GCNT2: variants seen among roughly 807,000 people sequenced by gnomAD.
GCNT2 encodes N-acetyllactosaminide beta-1,6-N-acetylglucosaminyl-transferase.
A neutral mutation model predicts 34.2 loss-of-function variants in GCNT2; 34 were observed. The ratio of observed to expected loss-of-function variants is 1.00; its 90% CI spans 0.76 to 1.32. The LOEUF is 1.32. Among genes scored for constraint, GCNT2 ranks in the 40% most tolerant of loss-of-function variants. The probability of loss-of-function intolerance (pLI) is 0.00; values close to 1 mark genes in which losing one functional copy is unlikely to be tolerated. For missense variants in GCNT2, 584 were observed against 489.4 expected, an observed-to-expected ratio of 1.19 and a Z score of -1.82; for synonymous variants, 212 against 188.0, an observed-to-expected ratio of 1.13 and a Z score of -1.04.
intron 3 of GCNT2, among the ~76,000 whole-genome samples, chr6:10,553,294 G>T (rs1762557803): frequency 6.6e-6 from 1 of 152,216 alleles, no homozygotes; most frequent in Non-Finnish European, 1.5e-5. Flanking sequence ...CTGGCAAGGA[G>T]ATGAAGTCCC....
rs1554127248 is a variant in GCNT2 at position 10,538,437 on chromosome 6, A to AATATATATAT, written c.925+8612_925+8621dup. Reference sequence around the variant, plus strand: ...AAAAAAAAAAAAAAAAAAAAAAAAAAATATATATATATATATATATGTTGA... The same window carrying AATATATATAT: ...AAAAAAAAAAAAAAAAAAAAAAAAAAATATATATATATATATATATATATATATATGTTGA... On this transcript the variant is annotated intron_variant, in intron 3 of 4. Transcript: ENST00000495262. 1.9e-3 allele frequency among the ~76,000 whole-genome samples: 139 copies of AATATATATAT among 73,330 alleles called. 3 individuals are homozygous for AATATATATAT. Among genetic ancestry groups the AATATATATAT allele is most frequent in the African/African-American group, 0.015 (127 of 8,376 alleles). 48.1% of individuals were successfully genotyped at this position (73,330 alleles called of 152,430 possible). A position where few individuals can be genotyped will look rare whatever the true frequency, so the allele number is the denominator to read the frequency against.
At chr6:10,546,323 A>G (rs2113615029) in intron 3 of GCNT2, among the ~76,000 whole-genome samples, 1 of 152,150 alleles carries the variant, frequency 6.6e-6, no homozygotes, top group East Asian at 1.9e-4. Context: ...GTAGCCAAAA[A>G]CCTATGTATA....
chr6:10,595,812 A>C (rs1421587333), intron 3 of GCNT2, among the ~76,000 whole-genome samples: 3 of 152,154 alleles, frequency 2.0e-5, no homozygotes, highest in Non-Finnish European at 4.4e-5. Context: ...CAGAGGAGTA[A>C]TTTTTAAACT....
intron 3 of GCNT2, among the ~76,000 whole-genome samples, chr6:10,580,872 T>C (rs573569000): frequency 8.8e-4 from 134 of 152,124 alleles, no homozygotes; most frequent in African/African-American, 3.0e-3. Context: ...TCATGTTGAG[T>C]TGAGATGATG....
intron 3 of GCNT2, among the ~76,000 whole-genome samples, chr6:10,599,429 CTG>C (rs972067749): frequency 6.6e-6 from 1 of 152,176 alleles, no homozygotes; most frequent in Non-Finnish European, 1.5e-5. Flanking sequence ...GAGGGAGCAC[CTG>C]AACCAGACTG....
intron 3 of GCNT2, among the ~76,000 whole-genome samples, chr6:10,563,756 G>GAAA (rs55761102): frequency 3.8e-4 from 21 of 55,792 alleles, no homozygotes; most frequent in African/African-American, 9.6e-4. Flanking sequence ...AAAGAAAAAA[G>GAAA]AAAAAAAAAA....
intron 3 of GCNT2, among the ~76,000 whole-genome samples, chr6:10,549,742 C>T (rs890783507): frequency 2.0e-5 from 3 of 151,824 alleles, no homozygotes; most frequent in Admixed American, 1.3e-4. Context: ...ACACCGTCTT[C>T]GAATTCAGCT....
chr6:10,535,386 T>G (rs774711016), intron 3 of GCNT2, among the ~76,000 whole-genome samples: 2 of 152,164 alleles, frequency 1.3e-5, no homozygotes, highest in East Asian at 3.9e-4. Flanking sequence ...GCCCTCCCTT[T>G]TTCCTCTCCC....
intron 3 of GCNT2, among the ~76,000 whole-genome samples, chr6:10,618,366 T>G (rs1440010724): frequency 6.6e-6 from 1 of 152,234 alleles, no homozygotes; most frequent in African/African-American, 2.4e-5. Context: ...TATGTGTTCA[T>G]TTTATAAAGA....
intron 3 of GCNT2, among the ~76,000 whole-genome samples, chr6:10,554,135 C>CA (rs1313910951): frequency 6.6e-6 from 1 of 151,974 alleles, no homozygotes; most frequent in African/African-American, 2.4e-5. Context: ...GTCTCAGTAG[C>CA]AAAAAAGTGC....
chr6:10,618,937 G>C (rs1765912105), intron 3 of GCNT2, among the ~76,000 whole-genome samples: 1 of 152,120 alleles, frequency 6.6e-6, no homozygotes, highest in African/African-American at 2.4e-5. Flanking sequence ...GACTCATGCT[G>C]TTTACAGGAA....
intron 3 of GCNT2, among the ~76,000 whole-genome samples, chr6:10,530,721 G>A (rs1344836722): frequency 6.6e-6 from 1 of 151,736 alleles, no homozygotes; most frequent in Non-Finnish European, 1.5e-5. Context: ...TTTTCAAGAA[G>A]TTAAAACAAA....
chr6:10,522,969 G>GA (rs1234062540), intron 1 of GCNT2, among the ~76,000 whole-genome samples: 8 of 152,202 alleles, frequency 5.3e-5, no homozygotes, highest in African/African-American at 1.9e-4. Flanking sequence ...TTCTCCCGGA[G>GA]ACCCTGGCTT....
intron 3 of GCNT2, chr6:10,573,197 A>G: frequency 1.0e-6 from 1 of 983,186 alleles, no homozygotes; most frequent in Non-Finnish European, 1.2e-6. Flanking sequence ...ATTGTCAAAT[A>G]GTGTCTCTTG....
intron 3 of GCNT2, among the ~76,000 whole-genome samples, chr6:10,595,210 A>G (rs915223847): frequency 1.3e-5 from 2 of 152,174 alleles, no homozygotes; most frequent in Non-Finnish European, 2.9e-5. Flanking sequence ...AAGGATGTCA[A>G]TGCTATCTAT....
chr6:10,575,252 T>C (rs1038854026), intron 3 of GCNT2: 6 of 299,892 alleles, frequency 2.0e-5, no homozygotes, highest in African/African-American at 6.6e-5. Flanking sequence ...TTTTATGTGA[T>C]GAATTAAATC....
chr6:10,604,558 T>A (rs1765227596), intron 3 of GCNT2, among the ~76,000 whole-genome samples: 1 of 152,178 alleles, frequency 6.6e-6, no homozygotes, highest in Non-Finnish European at 1.5e-5. Flanking sequence ...CTATAGATAA[T>A]ACTATGAAGT....
At chr6:10,539,478 T>C (rs1183374759) in intron 3 of GCNT2, among the ~76,000 whole-genome samples, 1 of 152,064 alleles carries the variant, frequency 6.6e-6, no homozygotes, top group Non-Finnish European at 1.5e-5. Flanking sequence ...CGTGAGCCAC[T>C]GCGCCCGGCC....
intron 3 of GCNT2, among the ~76,000 whole-genome samples, chr6:10,579,362 CAT>C (rs1282963036): frequency 1.3e-5 from 2 of 152,134 alleles, no homozygotes; most frequent in African/African-American, 4.8e-5. Flanking sequence ...ATATGTATAA[CAT>C]GTCTATTAAT....
Sources: gnomAD v4.1 joint callset for allele counts (sites outside exome capture counted in the v4.1 genomes callset) on GRCh38, gnomAD v4.1.1 for gene constraint, MANE v1.5 for transcripts, NCBI Gene and HGNC (gene_info 2026-07-23, HGNC 2026-07-21) for gene names.